The following SLC7A1 variants were observed in gnomAD, a reference collection of about 807,000 sequenced individuals.
The protein encoded by SLC7A1 is solute carrier family 7 member 1.
SLC7A1 carries 10 observed loss-of-function variants against 53.9 expected under a neutral mutation model. The observed-to-expected ratio is 0.19, with a 90% CI of 0.11 to 0.31. The LOEUF is 0.31. Ranked by LOEUF, SLC7A1 falls within the 10% of genes least tolerant of loss-of-function variation. The pLI is 1.00. For missense variants in SLC7A1, 525 were observed against 827.2 expected, an observed-to-expected ratio of 0.63 and a Z score of 4.48; for synonymous variants, 342 against 338.7, an observed-to-expected ratio of 1.01 and a Z score of -0.11.
At chr13:29,566,639 C>A (rs942216222) in intron 1 of SLC7A1, among the ~76,000 whole-genome samples, 3 of 152,074 alleles carry the variant, frequency 2.0e-5, no homozygotes, top group African/African-American at 7.2e-5. Context: ...TTAATGGGTA[C>A]GAGTTTCCTT....
At chr13:29,571,379 G>A (rs536932894) in intron 1 of SLC7A1, among the ~76,000 whole-genome samples, 9 of 152,210 alleles carry the variant, frequency 5.9e-5, no homozygotes, top group South Asian at 2.1e-4. Context: ...TTTTATGGCC[G>A]ATTTTAATTT....
intron 1 of SLC7A1, among the ~76,000 whole-genome samples, chr13:29,578,861 T>A (rs1216239195): frequency 1.3e-5 from 2 of 152,242 alleles, no homozygotes; most frequent in Non-Finnish European, 2.9e-5. Flanking sequence ...TCCACAGCCC[T>A]GCCCTTCTCT....
chr13:29,576,292 T>TAAAAAAAAAAAAAAA (rs146432104), intron 1 of SLC7A1, among the ~76,000 whole-genome samples: 6,080 of 104,902 alleles, frequency 0.058, 412 homozygotes, highest in African/African-American at 0.094. Flanking sequence ...ATCCTGTTTT[T>TAAAAAAAAAAAAAAA]TAAAAAAAAA....
In SLC7A1 at chr13:29,548,451, G is replaced by A. The variant is rs77882366; in HGVS notation, c.-15+5310C>T. On this transcript the variant is annotated intron_variant, in intron 2 of 12. Transcript: ENST00000380752. The stretch of plus-strand genomic sequence containing the variant: ...CCGGGCGAGGCTGGCACCCTGGTCT[G>A]TGATCTGTGACTTGGGGCAGGGCAG... Among the ~76,000 whole-genome samples the A allele has an allele frequency of 2.8e-3, 421 of 152,378 alleles. 1 individual carries two copies. Among genetic ancestry groups the A allele is most frequent in the African/African-American group, 9.7e-3 (402 of 41,590 alleles).
rs1393388720 is a variant in SLC7A1, at chr13:29,510,455, T to C, written c.*4025A>G. 5 of 152,428 alleles carry C rather than the reference T, an allele frequency of 3.3e-5. No homozygotes were observed. The highest frequency in any genetic ancestry group is 1.2e-4 in the African/African-American group (5 of 41,422). The allele number at this position is 152,428 out of a possible 1,614,324, so 9.4% of individuals were successfully genotyped here. A position where few individuals can be genotyped will look rare whatever the true frequency, so the allele number is the denominator to read the frequency against. Reference sequence around the variant, plus strand: ...GAGCCTGGCAGAATGTACATCTCCCTCTCCCTTCAGAGCCTTACATATAAT... The same window carrying C: ...GAGCCTGGCAGAATGTACATCTCCCCCTCCCTTCAGAGCCTTACATATAAT... On this transcript the variant is annotated 3_prime_UTR_variant, in exon 13 of 13. Coordinates refer to ENST00000380752, the MANE Select transcript of SLC7A1 (RefSeq NM_003045.5).
At chr13:29,548,867 A>T (rs1038356840) in intron 2 of SLC7A1, among the ~76,000 whole-genome samples, 6 of 152,226 alleles carry the variant, frequency 3.9e-5, no homozygotes, top group Admixed American at 3.9e-4. Flanking sequence ...TACGCAGTTC[A>T]TGTCATGCAT....
chr13:29,519,200 T>C (rs577687753), intron 9 of SLC7A1, among the ~76,000 whole-genome samples: 1 of 152,214 alleles, frequency 6.6e-6, no homozygotes, highest in African/African-American at 2.4e-5. Context: ...TCTGTCTCTA[T>C]CCACCCAACA....
chr13:29,591,290 T>C (rs1200931334), intron 1 of SLC7A1, among the ~76,000 whole-genome samples: 2 of 152,180 alleles, frequency 1.3e-5, no homozygotes, highest in Non-Finnish European at 2.9e-5. Context: ...AAGGCAATTA[T>C]TATGCAAACA....
At chr13:29,541,106 CAATG>C (rs1869645894) in intron 2 of SLC7A1, among the ~76,000 whole-genome samples, 1 of 152,122 alleles carries the variant, frequency 6.6e-6, no homozygotes, top group African/African-American at 2.4e-5. Flanking sequence ...CGTGGAGTCT[CAATG>C]ACAAGGGCAA....
chr13:29,517,969 C>T (rs905746020), intron 9 of SLC7A1, among the ~76,000 whole-genome samples, 179 bp from the exon 10 acceptor site: 26 of 152,334 alleles, frequency 1.7e-4, no homozygotes, highest in African/African-American at 5.8e-4. Flanking sequence ...CACCACCTCC[C>T]GCTGTTGCTT....
intron 1 of SLC7A1, among the ~76,000 whole-genome samples, chr13:29,592,937 C>T (rs568477273): frequency 3.9e-5 from 6 of 152,004 alleles, no homozygotes; most frequent in South Asian, 4.2e-4. Flanking sequence ...CACTAGAAGG[C>T]GGCAGGGGAG....
intron 1 of SLC7A1, among the ~76,000 whole-genome samples, chr13:29,554,962 C>G (rs1870363409): frequency 6.6e-6 from 1 of 152,182 alleles, no homozygotes; most frequent in African/African-American, 2.4e-5. Flanking sequence ...TTTGCTTTAT[C>G]CCTCTTTAGA....
At chr13:29,545,108 T>C (rs1367617619) in intron 2 of SLC7A1, among the ~76,000 whole-genome samples, 1 of 152,192 alleles carries the variant, frequency 6.6e-6, no homozygotes, top group East Asian at 1.9e-4. Context: ...CAACAACTTG[T>C]GAGGGTCTTT....
chr13:29,559,905 C>T (rs988023213), intron 1 of SLC7A1, among the ~76,000 whole-genome samples: 1 of 151,932 alleles, frequency 6.6e-6, no homozygotes, highest in East Asian at 1.9e-4. Flanking sequence ...TTAGTAGAGA[C>T]GGGGTTTCAC....
intron 11 of SLC7A1, chr13:29,516,837 A>G (rs1271787593): frequency 3.5e-6 from 1 of 285,624 alleles, no homozygotes. Flanking sequence ...TATTTTCCAG[A>G]GAATTCAGAA....
chr13:29,514,587 C>G lies in SLC7A1; in HGVS notation c.1787-4G>C. ...TAGCCAAAGTAGATGATGAAGCCTG[C>G]GGGCCGACAGCAGAGACGGGCGTGA... On this transcript the variant is annotated splice_region_variant and splice_polypyrimidine_tract_variant and intron_variant, in intron 12 of 12. Coordinates refer to ENST00000380752, the MANE Select transcript of SLC7A1 (RefSeq NM_003045.5). The G allele has an allele frequency of 6.2e-7, 1 of 1,602,386 alleles. No individual in the cohort carries two copies. The highest frequency in any genetic ancestry group is 8.5e-7 in the Non-Finnish European group (1 of 1,176,298).
intron 1 of SLC7A1, among the ~76,000 whole-genome samples, chr13:29,567,922 G>T (rs1871038607): frequency 6.6e-6 from 1 of 151,958 alleles, no homozygotes; most frequent in South Asian, 2.1e-4. Flanking sequence ...AGGGTGAGGT[G>T]GCCCTAACTT....
chr13:29,531,517 CTCTGCCATGGA>C (rs1330630066), intron 4 of SLC7A1, among the ~76,000 whole-genome samples: 1 of 152,186 alleles, frequency 6.6e-6, no homozygotes, highest in Non-Finnish European at 1.5e-5. Context: ...GAGACCACTG[CTCTGCCATGGA>C]CGCCTCTCAT....
intron 1 of SLC7A1, among the ~76,000 whole-genome samples, chr13:29,555,431 C>A (rs149132630): frequency 1.4e-5 from 2 of 142,998 alleles, no homozygotes; most frequent in African/African-American, 5.2e-5. Flanking sequence ...ACCAGTGGAA[C>A]TGAACATTAA....
Sources: gnomAD v4.1 joint callset for allele counts (sites outside exome capture counted in the v4.1 genomes callset) on GRCh38, gnomAD v4.1.1 for gene constraint, MANE v1.5 for transcripts, NCBI Gene and HGNC (gene_info 2026-07-23, HGNC 2026-07-21) for gene names.